Variants in SNX6 observed in about 807,000 individuals in gnomAD.
SNX6 encodes sorting nexin 6.
Under a neutral mutation model 63.0 loss-of-function variants are expected in SNX6, and 34 were observed. The observed-to-expected ratio is 0.54, with a 90% CI of 0.41 to 0.72. SNX6 has a LOEUF of 0.72. Among genes scored for constraint, SNX6 ranks in the 30% least tolerant of loss-of-function variants. The probability of loss-of-function intolerance (pLI) is 0.00; values close to 1 mark genes in which losing one functional copy is unlikely to be tolerated. For synonymous variants in SNX6, 170 were observed against 164.2 expected, an observed-to-expected ratio of 1.04 and a Z score of -0.27; for missense variants, 398 against 471.4, an observed-to-expected ratio of 0.84 and a Z score of 1.44.
At chr14:34,602,697 C>T (rs7493480) in intron 6 of SNX6, among the ~76,000 whole-genome samples, 119,072 of 151,954 alleles carry the variant, frequency 0.78, 46,984 homozygotes, top group East Asian at 0.83. Flanking sequence ...GAACTTGGGG[C>T]CGGGCACGGT....
intron 8 of SNX6, among the ~76,000 whole-genome samples, chr14:34,589,183 C>A (rs905016781): frequency 2.6e-5 from 4 of 151,972 alleles, no homozygotes; most frequent in Admixed American, 6.6e-5. Context: ...GGGCTGAGGG[C>A]GGTGGCTCAC....
At chr14:34,587,010 A>G in intron 8 of SNX6, among the ~76,000 whole-genome samples, 2 of 31,672 alleles carry the variant, frequency 6.3e-5, no homozygotes, top group Admixed American at 4.1e-4. Context: ...CTCTGTCTCA[A>G]AAAAAAAAAA....
chr14:34,620,028 C>CTT, intron 2 of SNX6, among the ~76,000 whole-genome samples: 1 of 152,236 alleles, frequency 6.6e-6, no homozygotes, highest in East Asian at 1.9e-4. Flanking sequence ...TAATCGTCAA[C>CTT]TTTTACATTT....
At chr14:34,601,166 G>A (rs1051891824) in intron 6 of SNX6, among the ~76,000 whole-genome samples, 2 of 151,870 alleles carry the variant, frequency 1.3e-5, no homozygotes, top group African/African-American at 2.4e-5. Flanking sequence ...CAAGGCTTCG[G>A]AAGACTCCAA....
At chr14:34,625,606 G>C (rs993330746) in intron 2 of SNX6, among the ~76,000 whole-genome samples, 1 of 152,050 alleles carries the variant, frequency 6.6e-6, no homozygotes, top group African/African-American at 2.4e-5. Context: ...CTGGTGGCGG[G>C]CACCTATAAT....
chr14:34,583,797 G>A (rs1882040211), intron 9 of SNX6, among the ~76,000 whole-genome samples: 1 of 150,938 alleles, frequency 6.6e-6, no homozygotes, highest in Admixed American at 6.6e-5. Context: ...AGATGGCAAG[G>A]TTGACTTTTT....
chr14:34,624,535 C>T (rs1442902857), intron 2 of SNX6, among the ~76,000 whole-genome samples: 1 of 152,132 alleles, frequency 6.6e-6, no homozygotes, highest in East Asian at 1.9e-4. Flanking sequence ...CTGTGGCTCA[C>T]ACCTGTAATC....
At chr14:34,565,129 C>G (rs143731901) in intron 13 of SNX6, among the ~76,000 whole-genome samples, 35 of 147,486 alleles carry the variant, frequency 2.4e-4, no homozygotes, top group Middle Eastern at 3.7e-3. Flanking sequence ...CCAGGCTGGA[C>G]TGCAGTGGCA....
At chr14:34,573,614 T>C (rs997468243) in intron 11 of SNX6, among the ~76,000 whole-genome samples, 1 of 151,828 alleles carries the variant, frequency 6.6e-6, no homozygotes, top group Non-Finnish European at 1.5e-5. Flanking sequence ...GTTTTAGTCT[T>C]GCACACAGCT....
chr14:34,601,592 TTTTTTA>T (rs1400555064), intron 6 of SNX6, among the ~76,000 whole-genome samples: 2 of 151,226 alleles, frequency 1.3e-5, no homozygotes, highest in African/African-American at 4.9e-5. Context: ...ACATGATTTA[TTTTTTA>T]TTTTTATTTT....
Position 34,567,701 on chromosome 14 carries a change from TTCTAAC to T in SNX6, c.1146_1151del (p.Glu384_Leu385del). ...ACAACACTACCTTTGCATGCTTCAG[TTCTAAC>T]TCTGCCAGTTCCACTAAATTTTTTC... is the stretch of plus-strand genomic sequence containing the variant. On this transcript the variant is annotated inframe_deletion, in exon 13 of 14. Transcript: ENST00000362031. 6.2e-7 allele frequency: 1 copy of T among 1,613,334 alleles called. No homozygotes were observed. Among genetic ancestry groups the T allele is most frequent in the Admixed American group, 1.7e-5 (1 of 60,010 alleles).
chr14:34,604,367 A>G, intron 5 of SNX6: 1 of 1,010,376 alleles, frequency 9.9e-7, no homozygotes, highest in Admixed American at 4.7e-5. Context: ...CAGTCTTATA[A>G]ACTTTGAATA....
chr14:34,596,871 T>C (rs1239336333), intron 7 of SNX6, among the ~76,000 whole-genome samples: 1 of 151,954 alleles, frequency 6.6e-6, no homozygotes, highest in Non-Finnish European at 1.5e-5. Flanking sequence ...GGTTTCACCA[T>C]GTTGACCAGG....
At chr14:34,618,834 T>C (rs1883520620) in intron 2 of SNX6, among the ~76,000 whole-genome samples, 1 of 151,894 alleles carries the variant, frequency 6.6e-6, no homozygotes, top group African/African-American at 2.4e-5. Flanking sequence ...CAAACCATCC[T>C]CCCCTCCCAG....
intron 7 of SNX6, among the ~76,000 whole-genome samples, chr14:34,596,885 G>C (rs765300597): frequency 5.3e-5 from 8 of 151,966 alleles, no homozygotes; most frequent in Non-Finnish European, 1.0e-4. Context: ...GACCAGGTTG[G>C]TCTCGAAAAC....
At chr14:34,616,142 G>C (rs970806449) in intron 2 of SNX6, among the ~76,000 whole-genome samples, 2 of 151,986 alleles carry the variant, frequency 1.3e-5, no homozygotes, top group African/African-American at 4.8e-5. Context: ...TTTTAGTAGA[G>C]AGGGGGTTTC....
At chr14:34,628,833 A>G (rs1200435121) in intron 2 of SNX6, among the ~76,000 whole-genome samples, 4 of 152,174 alleles carry the variant, frequency 2.6e-5, no homozygotes, top group Non-Finnish European at 5.9e-5. Context: ...TGAAGGAACC[A>G]TGGAACCTTG....
intron 11 of SNX6, among the ~76,000 whole-genome samples, chr14:34,570,725 C>CT (rs35102326): frequency 0.024 from 2,768 of 114,298 alleles, 56 homozygotes; most frequent in South Asian, 0.054. Flanking sequence ...CTGGCCTTCT[C>CT]TTTTTTTTTT....
At chr14:34,590,762 C>A (rs1402779117) in intron 8 of SNX6, among the ~76,000 whole-genome samples, 1 of 151,946 alleles carries the variant, frequency 6.6e-6, no homozygotes, top group Non-Finnish European at 1.5e-5. Flanking sequence ...TAGGTATTAC[C>A]CAAGAGAAAG....
Sources: gnomAD v4.1 joint callset for allele counts (sites outside exome capture counted in the v4.1 genomes callset) on GRCh38, gnomAD v4.1.1 for gene constraint, MANE v1.5 for transcripts, NCBI Gene and HGNC (gene_info 2026-07-23, HGNC 2026-07-21) for gene names.